The following DNAH14 variants were observed in gnomAD, a reference collection of about 807,000 sequenced individuals.
DNAH14 encodes dynein axonemal heavy chain 14, also known as axonemal beta dynein heavy chain 14.
A neutral mutation model predicts 520.9 loss-of-function variants in DNAH14; 478 were observed. The ratio of observed to expected loss-of-function variants is 0.92; its 90% CI spans 0.85 to 0.99. DNAH14 has a LOEUF of 0.99. Ranked by LOEUF, DNAH14 falls within the 50% of genes least tolerant of loss-of-function variation. The pLI is 0.00. For missense variants in DNAH14, 4,831 were observed against 5,234.5 expected (o/e 0.92, Z 2.38); for synonymous variants, 1,581 against 1,757.2 (o/e 0.90, Z 2.51).
intron 17 of DNAH14, among the ~76,000 whole-genome samples, chr1:225,070,161 C>T (rs1370821079): frequency 3.3e-5 from 5 of 152,086 alleles, no homozygotes; most frequent in Admixed American, 6.6e-5. Context: ...AACCCAGCTC[C>T]TGGATTCATT....
chr1:225,182,515 A>G (rs534244998), intron 36 of DNAH14, among the ~76,000 whole-genome samples: 2 of 152,328 alleles, frequency 1.3e-5, no homozygotes, highest in South Asian at 4.1e-4. Flanking sequence ...GAGCTAAATA[A>G]TTAGTTGAGA....
chr1:225,273,210 A>T (rs1372592975), intron 52 of DNAH14, 85 bp downstream of exon 52: 1 of 1,368,988 alleles, frequency 7.3e-7, no homozygotes, highest in Non-Finnish European at 9.7e-7. Flanking sequence ...AAGCGGGCAG[A>T]TCACGAGGTC....
intron 26 of DNAH14, among the ~76,000 whole-genome samples, chr1:225,122,708 G>A (rs1403873292): frequency 1.3e-5 from 2 of 152,130 alleles, no homozygotes; most frequent in African/African-American, 4.8e-5. Context: ...TGATGGAAGA[G>A]ACATTTCACA....
chr1:225,331,353 T>C lies in DNAH14; in HGVS notation c.9724-84T>C, dbSNP rs138398293. ...GGATGTGAAAATGAAATGGTAACAC[T>C]ATATTTATATAAATGACAGCTAAAG... is the stretch of plus-strand genomic sequence containing the variant. On this transcript the variant is annotated intron_variant, in intron 64 of 85. Transcript: ENST00000682510. The C allele has an allele frequency of 2.0e-5, 27 of 1,342,454 alleles. No individual in the cohort carries two copies. In the African/African-American group the frequency reaches 2.8e-4, roughly 14 times the overall value. The allele number at this position is 1,342,454 out of a possible 1,614,324, so 83.2% of individuals were successfully genotyped here.
rs1481251251 is a variant in DNAH14, at chr1:225,144,285, A to G, written c.4509-112A>G. On this transcript the variant is annotated intron_variant, in intron 28 of 85. Transcript: ENST00000682510. ...ATTTGATTTTAATTTTTTAACTTCT[A>G]TTTGTTTTTTTAATCAATGCTCCAT... is the stretch of plus-strand genomic sequence containing the variant. 9.8e-6 allele frequency: 8 copies of G among 815,396 alleles called. No homozygotes were observed. In the East Asian group the frequency reaches 1.9e-4, roughly 19 times the overall value. 50.5% of individuals were successfully genotyped at this position (815,396 alleles called of 1,614,324 possible). A position where few individuals can be genotyped will look rare whatever the true frequency, so the allele number is the denominator to read the frequency against.
intron 60 of DNAH14, among the ~76,000 whole-genome samples, chr1:225,318,225 G>A (rs906125556): frequency 2.0e-5 from 3 of 152,232 alleles, no homozygotes; most frequent in African/African-American, 7.2e-5. Context: ...GTGTGTGCAA[G>A]TGAGAGGCTG....
intron 49 of DNAH14, among the ~76,000 whole-genome samples, chr1:225,267,983 A>T (rs909922356): frequency 1.3e-5 from 2 of 152,046 alleles, no homozygotes; most frequent in African/African-American, 4.8e-5. Flanking sequence ...CTGACCAGAA[A>T]ATAGGTCACA....
intron 76 of DNAH14, among the ~76,000 whole-genome samples, chr1:225,365,143 A>T (rs1015050046): frequency 3.9e-5 from 6 of 152,210 alleles, no homozygotes; most frequent in African/African-American, 1.4e-4. Flanking sequence ...TCCAATTATT[A>T]TAAAGCAAAA....
chr1:225,377,452 G>C lies in DNAH14; in HGVS notation c.12716+16G>C, dbSNP rs754571736. 15 of 1,529,514 alleles carry C rather than the reference G, an allele frequency of 9.8e-6. No individual in the cohort carries two copies. In the East Asian group the frequency reaches 3.7e-4, roughly 38 times the overall value. The allele number at this position is 1,529,514 out of a possible 1,614,324, so 94.7% of individuals were successfully genotyped here. A position where few individuals can be genotyped will look rare whatever the true frequency, so the allele number is the denominator to read the frequency against. ...TCATGATCAGGTAAGAACTCGCTAG[G>C]AAAAATTGTTGGTCAAAAATTATCA... On this transcript the variant is annotated intron_variant, in intron 79 of 85. Transcript: ENST00000682510.
intron 25 of DNAH14, among the ~76,000 whole-genome samples, chr1:225,118,896 AAAAAAAAAG>A (rs2077078192): frequency 6.6e-6 from 1 of 151,780 alleles, no homozygotes; most frequent in East Asian, 1.9e-4. Context: ...CAAAAAAAAA[AAAAAAAAAG>A]AAAAGAAAAA....
chr1:224,970,271 C>T (rs896433678), intron 7 of DNAH14, among the ~76,000 whole-genome samples: 1 of 152,108 alleles, frequency 6.6e-6, no homozygotes, highest in African/African-American at 2.4e-5. Context: ...CGAGGAAATT[C>T]CCGCCTAATA....
At chr1:225,161,215 T>C (rs1023796585) in intron 35 of DNAH14, among the ~76,000 whole-genome samples, 2 of 152,146 alleles carry the variant, frequency 1.3e-5, no homozygotes, top group African/African-American at 4.8e-5. Flanking sequence ...ACTCTGTGTC[T>C]CCGTAAGTTT....
chr1:225,354,584 A>G (rs193122278), intron 73 of DNAH14, among the ~76,000 whole-genome samples: 23 of 152,326 alleles, frequency 1.5e-4, no homozygotes, highest in Non-Finnish European at 1.0e-4. Flanking sequence ...TTTACAGATT[A>G]GGAAACCAAG....
intron 41 of DNAH14, among the ~76,000 whole-genome samples, chr1:225,214,843 C>A (rs550700549): frequency 2.9e-4 from 44 of 151,876 alleles, no homozygotes; most frequent in Admixed American, 1.6e-3. Flanking sequence ...TTTTGTTGAT[C>A]TTTTCAAAAA....
At chr1:225,088,136 T>A (rs2074002920) in intron 21 of DNAH14, among the ~76,000 whole-genome samples, 2 of 152,084 alleles carry the variant, frequency 1.3e-5, no homozygotes, top group Non-Finnish European at 2.9e-5. Flanking sequence ...TAAGGTAAAA[T>A]GTACAATTTC....
intron 1 of DNAH14, among the ~76,000 whole-genome samples, chr1:224,942,599 G>A (rs1375763974): frequency 6.6e-6 from 1 of 152,162 alleles, no homozygotes; most frequent in African/African-American, 2.4e-5. Flanking sequence ...CAAAGGGAAT[G>A]CTTCCAGTTT....
At chr1:224,991,795 T>G (rs545355512) in intron 8 of DNAH14, among the ~76,000 whole-genome samples, 1 of 152,326 alleles carries the variant, frequency 6.6e-6, no homozygotes, top group South Asian at 2.1e-4. Context: ...ATCCAGTCTA[T>G]CATTGATGGA....
At chr1:225,023,103 G>A (rs61564365) in intron 10 of DNAH14, among the ~76,000 whole-genome samples, 5,428 of 152,080 alleles carry the variant, frequency 0.036, 306 homozygotes, top group African/African-American at 0.12. Flanking sequence ...AGGAGGGTGA[G>A]GGGAAGGTAT....
chr1:225,356,656 G>A lies in DNAH14; in HGVS notation c.11620-1840G>A, dbSNP rs532322085. Reference sequence around the variant, plus strand: ...AAGGGAGGGACGTGGAGATATGCCTGTATATGTGTTGAAAATATCTAGAAG... The same window carrying A: ...AAGGGAGGGACGTGGAGATATGCCTATATATGTGTTGAAAATATCTAGAAG... On this transcript the variant is annotated intron_variant, in intron 73 of 85. Transcript: ENST00000682510. Among the ~76,000 whole-genome samples, 38 of 152,282 alleles carry A rather than the reference G, an allele frequency of 2.5e-4. 1 individual carries two copies. The South Asian group carries it at 3.1e-3, about 12-fold the overall frequency.
Sources: gnomAD v4.1 joint callset for allele counts (sites outside exome capture counted in the v4.1 genomes callset) on GRCh38, gnomAD v4.1.1 for gene constraint, MANE v1.5 for transcripts, NCBI Gene and HGNC (gene_info 2026-07-23, HGNC 2026-07-21) for gene names.